The following TUFT1 variants were observed in gnomAD, a reference collection of about 807,000 sequenced individuals.
TUFT1 encodes the protein tuftelin 1, also known as tuftelin.
In TUFT1, 43 loss-of-function variants were observed where a neutral mutation model predicts 57.8. The observed-to-expected ratio is 0.74, with a 90% CI of 0.58 to 0.96. The LOEUF (loss-of-function observed/expected upper bound fraction) is 0.96, where lower values mean the gene tolerates loss of function less well. Among genes scored for constraint, TUFT1 ranks in the 40% least tolerant of loss-of-function variants. TUFT1 has a pLI of 0.00. For missense variants in TUFT1, 459 were observed against 489.0 expected, an observed-to-expected ratio of 0.94 and a Z score of 0.58; for synonymous variants, 166 against 176.7, an observed-to-expected ratio of 0.94 and a Z score of 0.48.
In TUFT1 at chr1:151,565,886, G is replaced by T. The variant is rs1666053502; in HGVS notation, c.415-277G>T. 1.5e-5 allele frequency: 5 copies of T among 327,660 alleles called. 1 individual carries two copies. The highest frequency in any genetic ancestry group is 4.2e-5 in the Admixed American group (1 of 23,664). The allele number at this position is 327,660 out of a possible 1,614,324, so 20.3% of individuals were successfully genotyped here. ...TACAAGACTTTCAAGGCCCTTTCAA[G>T]GCCGCATAACATCTCTCCACCCCCT... On this transcript the variant is annotated intron_variant, in intron 5 of 12. Transcript: ENST00000368849.
intron 11 of TUFT1, 136 bp from the exon 12 acceptor site, chr1:151,580,806 C>T: frequency 1.4e-6 from 1 of 696,010 alleles, no homozygotes; most frequent in South Asian, 1.7e-5. Flanking sequence ...AGTGGGTATC[C>T]AGGTGGTGGC....
intron 3 of TUFT1, among the ~76,000 whole-genome samples, chr1:151,563,661 GT>G (rs1665969143): frequency 6.6e-6 from 1 of 152,184 alleles, no homozygotes; most frequent in Non-Finnish European, 1.5e-5. Flanking sequence ...ATATGTGAGT[GT>G]TTATGCCAAT....
intron 1 of TUFT1, among the ~76,000 whole-genome samples, chr1:151,542,743 T>C (rs1217204994): frequency 6.6e-6 from 1 of 152,164 alleles, no homozygotes; most frequent in East Asian, 1.9e-4. Context: ...GAGCTGGGAA[T>C]GAAGTAATCA....
In TUFT1 at chr1:151,578,772, C is replaced by T; in HGVS notation, c.870C>T (p.His290=). The T allele has an allele frequency of 6.3e-7, 1 of 1,584,830 alleles. No homozygotes were observed. The highest frequency in any genetic ancestry group is 8.6e-7 in the Non-Finnish European group (1 of 1,164,276). The change falls in exon 10 of 13, where the codon CAC becomes CAT. Residue 290 remains histidine (H), a synonymous_variant. Transcript: ENST00000368849. The part of the protein sequence containing the change: ...EVAGLREKIH[H]LDDMLKSQQR... ...CCGGGTTGCGGGAGAAGATCCACCA[C>T]TTGGATGACATGCTCAAGAGCCAGC... is the stretch of plus-strand genomic sequence containing the variant.
intron 7 of TUFT1, among the ~76,000 whole-genome samples, chr1:151,571,267 G>A (rs1380358840): frequency 6.6e-6 from 1 of 152,168 alleles, no homozygotes; most frequent in Non-Finnish European, 1.5e-5. Context: ...TATGTTAGCC[G>A]AAGTATTATT....
chr1:151,581,166 G>A, intron 12 of TUFT1, 124 bp downstream of exon 12: 1 of 894,242 alleles, frequency 1.1e-6, no homozygotes, highest in Non-Finnish European at 1.7e-6. Context: ...TCCTCCCTCA[G>A]TCTGACCCAC....
intron 1 of TUFT1, among the ~76,000 whole-genome samples, chr1:151,544,645 G>A (rs897666824): frequency 6.6e-6 from 1 of 152,176 alleles, no homozygotes; most frequent in East Asian, 1.9e-4. Flanking sequence ...TGCCCAGGCT[G>A]GAGTGCAACG....
At position 151,579,602 on chromosome 1, in the gene TUFT1, AAT is replaced by A. The variant is rs775416644; in HGVS notation, c.925-46_925-45del. Reference sequence around the variant, plus strand: ...CTGGGGTGAAGTCTGGTGAGTGTGTAATGAGTCATTGCAAAATGAGCTCCAGT... The same window carrying A: ...CTGGGGTGAAGTCTGGTGAGTGTGTAGAGTCATTGCAAAATGAGCTCCAGT... On this transcript the variant is annotated intron_variant, in intron 10 of 12. Coordinates refer to ENST00000368849, the MANE Select transcript of TUFT1 (RefSeq NM_020127.3). 3.1e-6 allele frequency: 5 copies of A among 1,600,894 alleles called. No individual in the cohort carries two copies. The South Asian group carries it at 5.5e-5, about 18-fold the overall frequency.
intron 1 of TUFT1, among the ~76,000 whole-genome samples, chr1:151,541,776 G>A (rs549095916): frequency 1.6e-4 from 24 of 152,186 alleles, no homozygotes; most frequent in Admixed American, 3.9e-4. Flanking sequence ...CACATCCCCA[G>A]CTATGAGACT....
rs535417024 is a variant in TUFT1, at chr1:151,541,357, C to G, written c.60+931C>G. ...ACCCTAGCTGACCATATGGTTTTTC[C>G]TCTCCAGAGGCTGAGGAGGGTAATT... On this transcript the variant is annotated intron_variant, in intron 1 of 12. Coordinates refer to ENST00000368849, the MANE Select transcript of TUFT1 (RefSeq NM_020127.3). Among the ~76,000 whole-genome samples, 94 of 152,308 alleles carry G rather than the reference C, an allele frequency of 6.2e-4. 1 individual carries two copies. The Middle Eastern group carries it at 0.014, about 22-fold the overall frequency.
intron 1 of TUFT1, among the ~76,000 whole-genome samples, chr1:151,542,630 T>C (rs749837164): frequency 6.6e-6 from 1 of 152,218 alleles, no homozygotes; most frequent in African/African-American, 2.4e-5. Flanking sequence ...GTCTCCATCA[T>C]AGGTTAGTTT....
intron 1 of TUFT1, among the ~76,000 whole-genome samples, chr1:151,548,536 C>T (rs1665415790): frequency 6.6e-6 from 1 of 152,082 alleles, no homozygotes; most frequent in African/African-American, 2.4e-5. Context: ...CTCTTAACCT[C>T]GTGATTCGCC....
At chr1:151,560,078 G>A (rs1224846890) in intron 1 of TUFT1, among the ~76,000 whole-genome samples, 4 of 150,936 alleles carry the variant, frequency 2.7e-5, no homozygotes, top group African/African-American at 9.7e-5. Context: ...TTACAGGCAT[G>A]AGCCAGCACA....
At chr1:151,558,831 C>T (rs898034564) in intron 1 of TUFT1, among the ~76,000 whole-genome samples, 6 of 149,380 alleles carry the variant, frequency 4.0e-5, no homozygotes, top group Non-Finnish European at 5.9e-5. Flanking sequence ...GTTGCCCAGG[C>T]GGGAGTGCAG....
intron 1 of TUFT1, among the ~76,000 whole-genome samples, chr1:151,544,352 G>A (rs567381298): frequency 1.5e-4 from 23 of 151,302 alleles, no homozygotes; most frequent in African/African-American, 4.6e-4. Flanking sequence ...GCTGGGGTGC[G>A]GTGGCACAAT....
intron 9 of TUFT1, among the ~76,000 whole-genome samples, chr1:151,578,324 T>G (rs1558016356): frequency 1.3e-5 from 2 of 151,820 alleles, no homozygotes; most frequent in Non-Finnish European, 2.9e-5. Context: ...TTCTTTTTTT[T>G]TGTGAGACAA....
intron 1 of TUFT1, among the ~76,000 whole-genome samples, chr1:151,554,561 G>T (rs1469765403): frequency 6.6e-6 from 1 of 151,416 alleles, no homozygotes; most frequent in Non-Finnish European, 1.5e-5. Context: ...TACCACACCC[G>T]GCTAATTTTT....
chr1:151,543,039 C>T (rs939809262), intron 1 of TUFT1, among the ~76,000 whole-genome samples: 2 of 152,204 alleles, frequency 1.3e-5, no homozygotes, highest in African/African-American at 4.8e-5. Context: ...AGTGAGGGCC[C>T]TGGGACTCTG....
chr1:151,545,746 G>A, intron 1 of TUFT1: 1 of 477,832 alleles, frequency 2.1e-6, no homozygotes, highest in South Asian at 1.5e-5. Flanking sequence ...CTCAACCAGT[G>A]GAGAGTCCCA....
Sources: allele counts gnomAD v4.1 joint callset (sites outside exome capture counted in the v4.1 genomes callset), GRCh38; gene constraint gnomAD v4.1.1; transcripts MANE v1.5; gene names NCBI Gene and HGNC (gene_info 2026-07-23, HGNC 2026-07-21).